Variants in PKIB observed in about 807,000 individuals in gnomAD.
PKIB encodes cAMP-dependent protein kinase inhibitor beta.
In PKIB, 2 loss-of-function variants were observed where a neutral mutation model predicts 4.5. The ratio of observed to expected loss-of-function variants is 0.44; its 90% CI spans 0.18 to 1.39. PKIB has a LOEUF of 1.39. Ranked by LOEUF, PKIB falls within the 40% of genes most tolerant of loss-of-function variation. PKIB has a pLI of 0.27. For synonymous variants in PKIB, 38 were observed against 36.0 expected, an observed-to-expected ratio of 1.06 and a Z score of -0.20; for missense variants, 94 against 92.6, an observed-to-expected ratio of 1.02 and a Z score of -0.06.
Position 122,725,313 on chromosome 6 carries a change from T to C in PKIB, c.*118T>C. 1.3e-6 allele frequency: 1 copy of C among 753,506 alleles called. No individual in the cohort carries two copies. The highest frequency in any genetic ancestry group is 2.2e-6 in the Non-Finnish European group (1 of 455,482). 46.7% of individuals were successfully genotyped at this position (753,506 alleles called of 1,614,324 possible). ...GGTAACATTGCAGCCCTAAGCAGCA[T>C]GTGTATATTAGATAATTGTGTTGTG... On this transcript the variant is annotated 3_prime_UTR_variant, in exon 5 of 5. Coordinates refer to ENST00000368452, the MANE Select transcript of PKIB (RefSeq NM_181795.3).
chr6:122,694,737 C>G (rs1195191564), intron 3 of PKIB, among the ~76,000 whole-genome samples: 1 of 152,136 alleles, frequency 6.6e-6, no homozygotes, highest in Non-Finnish European at 1.5e-5. Context: ...CGAAGGAGGT[C>G]ACTGTTAGAG....
At chr6:122,623,144 AG>A (rs1267679715) in intron 1 of PKIB, among the ~76,000 whole-genome samples, 1 of 152,220 alleles carries the variant, frequency 6.6e-6, no homozygotes, top group Non-Finnish European at 1.5e-5. Flanking sequence ...TATCGATAAA[AG>A]AATTTGCCAC....
chr6:122,615,522 T>C lies in PKIB; in HGVS notation c.-161+4987T>C, dbSNP rs970533919. 2.6e-5 allele frequency among the ~76,000 whole-genome samples: 4 copies of C among 152,278 alleles called. No homozygotes were observed. In the East Asian group the frequency reaches 7.7e-4, roughly 29 times the overall value. On this transcript the variant is annotated intron_variant, in intron 1 of 4. Coordinates refer to ENST00000368452, the MANE Select transcript of PKIB (RefSeq NM_181795.3). ...ATTTACAAACATGCAGGTTTAAGAA[T>C]GGGGCGACTTCATGGGTGTACTGAG...
intron 2 of PKIB, among the ~76,000 whole-genome samples, chr6:122,521,699 A>ATAT (rs1481112784): frequency 3.3e-5 from 5 of 151,968 alleles, no homozygotes; most frequent in Non-Finnish European, 7.4e-5. Flanking sequence ...AATAATAATA[A>ATAT]TAAAAGAAGA....
chr6:122,602,667 CA>C (rs1470813395), intron 3 of PKIB, among the ~76,000 whole-genome samples: 1 of 152,120 alleles, frequency 6.6e-6, no homozygotes, highest in Non-Finnish European at 1.5e-5. Context: ...GTAATCTCAG[CA>C]CTTTGAGAGG....
At chr6:122,645,224 T>C (rs1248088882) in intron 2 of PKIB, among the ~76,000 whole-genome samples, 5 of 152,240 alleles carry the variant, frequency 3.3e-5, no homozygotes, top group Non-Finnish European at 5.9e-5. Flanking sequence ...TTAATTATTC[T>C]TAAAACCTGT....
intron 2 of PKIB, among the ~76,000 whole-genome samples, chr6:122,515,770 C>T (rs1776729236): frequency 6.6e-6 from 1 of 152,104 alleles, no homozygotes; most frequent in African/African-American, 2.4e-5. Context: ...GGCTGGAGTA[C>T]AGTGGCGTGA....
chr6:122,552,078 T>G (rs188188737), intron 2 of PKIB, among the ~76,000 whole-genome samples: 157 of 152,248 alleles, frequency 1.0e-3, no homozygotes, highest in Non-Finnish European at 7.1e-4. Flanking sequence ...TTACTTGCTC[T>G]GTGTAAATGG....
At chr6:122,582,692 CTT>C (rs779447864) in intron 2 of PKIB, among the ~76,000 whole-genome samples, 6 of 151,988 alleles carry the variant, frequency 3.9e-5, no homozygotes, top group Non-Finnish European at 7.4e-5. Context: ...AAGTGCATTT[CTT>C]TTGTACTGCT....
chr6:122,573,723 C>T (rs1003724585), intron 2 of PKIB, among the ~76,000 whole-genome samples: 1 of 151,846 alleles, frequency 6.6e-6, no homozygotes. Flanking sequence ...ATGCAGCATC[C>T]CTTTGTGATA....
intron 1 of PKIB, among the ~76,000 whole-genome samples, chr6:122,621,946 T>C (rs1002863451): frequency 6.6e-6 from 1 of 152,164 alleles, no homozygotes; most frequent in African/African-American, 2.4e-5. Flanking sequence ...TTTAGATGGA[T>C]TGACTCGGTG....
At chr6:122,567,996 CTAT>C (rs1328638546) in intron 2 of PKIB, among the ~76,000 whole-genome samples, 1 of 151,886 alleles carries the variant, frequency 6.6e-6, no homozygotes, top group Non-Finnish European at 1.5e-5. Context: ...CTGAAATATG[CTAT>C]TATTAACATT....
At position 122,543,785 on chromosome 6, in the gene PKIB, C is replaced by T. The variant is rs560123570; in HGVS notation, c.-247-42136C>T. On this transcript the variant is annotated intron_variant, in intron 2 of 6. Transcript: ENST00000392491. ...GAAAGTGCTGTCGATCTGCTGTATA[C>T]GAACTGAAAGTAATACTTTCAACTC... 4.5e-4 allele frequency among the ~76,000 whole-genome samples: 69 copies of T among 152,016 alleles called. 1 individual carries two copies. The highest frequency in any genetic ancestry group is 1.4e-3 in the African/African-American group (57 of 41,342).
At chr6:122,715,063 G>A (rs543029652) in intron 3 of PKIB, among the ~76,000 whole-genome samples, 115 of 151,092 alleles carry the variant, frequency 7.6e-4, no homozygotes, top group African/African-American at 2.6e-3. Flanking sequence ...GGGATTACAG[G>A]CATGAGCCAC....
At chr6:122,616,371 A>G (rs542074630) in intron 1 of PKIB, among the ~76,000 whole-genome samples, 27 of 152,284 alleles carry the variant, frequency 1.8e-4, no homozygotes, top group African/African-American at 5.8e-4. Flanking sequence ...GGTTGAAGCC[A>G]GATTGTGCTG....
rs140237264 is a variant in PKIB at position 122,594,351 on chromosome 6, C to T, written c.-161+8344C>T. Among the ~76,000 whole-genome samples, 409 of 152,010 alleles carry T rather than the reference C, an allele frequency of 2.7e-3. 4 individuals carry two copies. Among genetic ancestry groups the T allele is most frequent in the African/African-American group, 9.2e-3 (383 of 41,460 alleles). On this transcript the variant is annotated intron_variant, in intron 3 of 6. Coordinates refer to the PKIB transcript ENST00000392491. ...GCCTCCCGAAAGCTGAGATTACAGG[C>T]GTGCGCCACCATGCCCAGCTAATTT...
intron 2 of PKIB, among the ~76,000 whole-genome samples, chr6:122,560,125 T>G (rs1772970950): frequency 6.6e-6 from 1 of 152,180 alleles, no homozygotes; most frequent in African/African-American, 2.4e-5. Flanking sequence ...GTTCCAGTTC[T>G]CAGAGAGAAT....
chr6:122,497,868 G>A (rs1295702280), intron 2 of PKIB, among the ~76,000 whole-genome samples: 2 of 152,080 alleles, frequency 1.3e-5, no homozygotes, highest in South Asian at 2.1e-4. Flanking sequence ...GGACACAATA[G>A]GCATCTACAG....
chr6:122,540,159 G>T (rs1176319211), intron 2 of PKIB, among the ~76,000 whole-genome samples: 1 of 151,896 alleles, frequency 6.6e-6, no homozygotes, highest in Non-Finnish European at 1.5e-5. Flanking sequence ...TTTTTGAAGG[G>T]TTTTTTGTGT....
Sources: allele counts gnomAD v4.1 joint callset (sites outside exome capture counted in the v4.1 genomes callset), GRCh38; gene constraint gnomAD v4.1.1; transcripts MANE v1.5; gene names NCBI Gene and HGNC (gene_info 2026-07-23, HGNC 2026-07-21).